MSR1: variants seen among roughly 807,000 people sequenced by gnomAD.
MSR1 encodes macrophage scavenger receptor types I and II.
A neutral mutation model predicts 47.2 loss-of-function variants in MSR1; 53 were observed. The ratio of observed to expected loss-of-function variants is 1.12; its 90% CI spans 0.90 to 1.41. MSR1 has a LOEUF of 1.41. MSR1 is among the 40% of genes most tolerant of loss of function. The pLI, the probability that MSR1 is intolerant of heterozygous loss-of-function variation, is 0.00. For missense variants in MSR1, 786 were observed against 546.9 expected, an observed-to-expected ratio of 1.44 and a Z score of -4.36; for synonymous variants, 239 against 185.6, an observed-to-expected ratio of 1.29 and a Z score of -2.34.
chr8:16,162,939 C>T (rs569957288), intron 5 of MSR1, among the ~76,000 whole-genome samples: 29 of 151,074 alleles, frequency 1.9e-4, no homozygotes, highest in African/African-American at 7.1e-4. Context: ...ACTAAGTTCT[C>T]GATTAAAAAA....
intron 7 of MSR1, among the ~76,000 whole-genome samples, chr8:16,148,854 A>G (rs962926549): frequency 3.3e-5 from 5 of 152,172 alleles, no homozygotes; most frequent in African/African-American, 1.2e-4. Context: ...AGTAATAAAA[A>G]GAAATGAGCA....
At chr8:16,139,773 AAATATATATATATATATATATAT>A (rs1405738559) in intron 8 of MSR1, 7 of 27,296 alleles carry the variant, frequency 2.6e-4, no homozygotes, top group South Asian at 2.6e-3. Flanking sequence ...AAAAAAAAAA[AAATATATATATATATATATATAT>A]ATATATATAT....
intron 8 of MSR1, chr8:16,140,064 G>A (rs572068767): frequency 4.6e-6 from 4 of 864,190 alleles, no homozygotes; most frequent in East Asian, 1.4e-4. Flanking sequence ...GCTCATGGAG[G>A]TACATAATGG....
chr8:16,123,067 G>C lies in MSR1; in HGVS notation c.1034-2461C>G, dbSNP rs1800043009. Among the ~76,000 whole-genome samples the C allele has an allele frequency of 2.0e-5, 3 of 151,824 alleles. No individual in the cohort carries two copies. The South Asian group carries it at 6.2e-4, about 32-fold the overall frequency. Reference sequence around the variant, plus strand: ...TCACCGTGTTAGCCAGGATGGTCTGGATTTCCTGACCTCGTGATCCGCCCG... The same window carrying C: ...TCACCGTGTTAGCCAGGATGGTCTGCATTTCCTGACCTCGTGATCCGCCCG... On this transcript the variant is annotated intron_variant, in intron 8 of 9. Coordinates refer to ENST00000262101, the MANE Select transcript of MSR1 (RefSeq NM_138715.3).
At chr8:16,144,002 T>A (rs529956570) in intron 7 of MSR1, among the ~76,000 whole-genome samples, 1 of 152,074 alleles carries the variant, frequency 6.6e-6, no homozygotes, top group Non-Finnish European at 1.5e-5. Flanking sequence ...ATTACATTTA[T>A]GGTTTTCATT....
chr8:16,174,378 A>G (rs762556729), intron 3 of MSR1, among the ~76,000 whole-genome samples: 4 of 152,210 alleles, frequency 2.6e-5, no homozygotes, highest in African/African-American at 4.8e-5. Context: ...GCTATAAGGC[A>G]TATAAATTCA....
chr8:16,112,447 G>T (rs539248858), intron 9 of MSR1, among the ~76,000 whole-genome samples: 3 of 152,166 alleles, frequency 2.0e-5, no homozygotes, highest in African/African-American at 7.2e-5. Flanking sequence ...GGGTTACATA[G>T]ATGTCTAGAT....
At chr8:16,158,549 C>T (rs971048363) in intron 5 of MSR1, among the ~76,000 whole-genome samples, 3 of 151,888 alleles carry the variant, frequency 2.0e-5, no homozygotes, top group Admixed American at 2.0e-4. Flanking sequence ...TCTTCTACTC[C>T]GTTTTCAATC....
chr8:16,170,076 G>A (rs941327516), intron 3 of MSR1, among the ~76,000 whole-genome samples: 3 of 152,056 alleles, frequency 2.0e-5, no homozygotes, highest in Non-Finnish European at 2.9e-5. Flanking sequence ...TAGGCCGGGT[G>A]CGTTGGCTCA....
At chr8:16,138,427 T>A (rs536325031) in intron 8 of MSR1, among the ~76,000 whole-genome samples, 1 of 152,322 alleles carries the variant, frequency 6.6e-6, no homozygotes, top group Non-Finnish European at 1.5e-5. Context: ...TTAAAGTTGA[T>A]AAAATTTGTG....
At chr8:16,188,017 G>C (rs912504181) in intron 1 of MSR1, among the ~76,000 whole-genome samples, 1 of 152,084 alleles carries the variant, frequency 6.6e-6, no homozygotes, top group Non-Finnish European at 1.5e-5. Context: ...TTTAATATCA[G>C]TTCCACAGTT....
intron 1 of MSR1, among the ~76,000 whole-genome samples, chr8:16,184,728 T>G (rs560093233): frequency 5.9e-4 from 90 of 152,314 alleles, no homozygotes; most frequent in African/African-American, 2.1e-3. Context: ...TATGAAACAT[T>G]TTGCTTTTCT....
intron 1 of MSR1, among the ~76,000 whole-genome samples, chr8:16,182,950 C>G (rs1055140797): frequency 2.0e-5 from 3 of 152,100 alleles, no homozygotes; most frequent in Non-Finnish European, 4.4e-5. Flanking sequence ...ACTGGCAGAG[C>G]AGTAGGCTTG....
At chr8:16,178,030 G>A (rs931292889) in intron 1 of MSR1, 38 bp from the exon 2 acceptor site, 5 of 1,462,874 alleles carry the variant, frequency 3.4e-6, no homozygotes, top group East Asian at 2.3e-5. Flanking sequence ...AATTCCACAT[G>A]AAATGGCTAG....
chr8:16,160,345 G>A (rs1309669569), intron 5 of MSR1, among the ~76,000 whole-genome samples: 1 of 152,026 alleles, frequency 6.6e-6, no homozygotes, highest in African/African-American at 2.4e-5. Context: ...TGGAAACCAG[G>A]AAGAATGACA....
At chr8:16,179,874 T>A (rs976264072) in intron 1 of MSR1, among the ~76,000 whole-genome samples, 2 of 89,540 alleles carry the variant, frequency 2.2e-5, no homozygotes, top group East Asian at 7.0e-4. Context: ...TGAAACCCTG[T>A]GTCTCAAAAA....
chr8:16,185,639 A>G (rs1801973503), intron 1 of MSR1, among the ~76,000 whole-genome samples: 2 of 152,054 alleles, frequency 1.3e-5, no homozygotes, highest in Non-Finnish European at 2.9e-5. Context: ...CCTTTGATCC[A>G]TTCCTTCCAT....
At chr8:16,182,676 C>T (rs560466063) in intron 1 of MSR1, among the ~76,000 whole-genome samples, 1 of 152,106 alleles carries the variant, frequency 6.6e-6, no homozygotes, top group South Asian at 2.1e-4. Flanking sequence ...CTGTCTTCCC[C>T]TCCATATCTT....
intron 5 of MSR1, among the ~76,000 whole-genome samples, chr8:16,157,583 C>T (rs1012520481): frequency 6.6e-6 from 1 of 151,868 alleles, no homozygotes; most frequent in African/African-American, 2.4e-5. Flanking sequence ...AGATCTTTTA[C>T]TGTTTCTAAC....
Sources: gnomAD v4.1 joint callset for allele counts (sites outside exome capture counted in the v4.1 genomes callset) on GRCh38, gnomAD v4.1.1 for gene constraint, MANE v1.5 for transcripts, NCBI Gene and HGNC (gene_info 2026-07-23, HGNC 2026-07-21) for gene names.